Variants in NRG4 observed in about 807,000 individuals in gnomAD.
NRG4 encodes the protein neuregulin 4.
A neutral mutation model predicts 15.0 loss-of-function variants in NRG4; 10 were observed. The observed-to-expected ratio is 0.67, with a 90% CI of 0.41 to 1.13. The LOEUF (loss-of-function observed/expected upper bound fraction) is 1.13. Ranked by LOEUF, NRG4 falls within the 50% of genes most tolerant of loss-of-function variation. The pLI, the probability that NRG4 is intolerant of heterozygous loss-of-function variation, is 0.00. For synonymous variants in NRG4, 41 were observed against 50.1 expected, an observed-to-expected ratio of 0.82 and a Z score of 0.77; for missense variants, 139 against 140.2, an observed-to-expected ratio of 0.99 and a Z score of 0.04.
chr15:76,055,688 G>C (rs991146399), intron 2 of NRG4, among the ~76,000 whole-genome samples: 1 of 152,154 alleles, frequency 6.6e-6, no homozygotes, highest in African/African-American at 2.4e-5. Context: ...CTGATTTGAA[G>C]TTTAAATTCA....
chr15:75,937,199 G>A (rs1243224274), downstream of NRG4: 1 of 150,820 alleles, frequency 6.6e-6, no homozygotes, highest in African/African-American at 2.4e-5. Flanking sequence ...GCTTTTGTTT[G>A]CCTATCAAAA....
intron 4 of NRG4, among the ~76,000 whole-genome samples, chr15:76,039,725 G>A (rs1225339773): frequency 6.6e-6 from 1 of 152,100 alleles, no homozygotes; most frequent in Non-Finnish European, 1.5e-5. Flanking sequence ...CACAAACCTA[G>A]AAAAAGATAT....
At chr15:75,957,737 C>A (rs913492673) in intron 4 of NRG4, among the ~76,000 whole-genome samples, 2 of 152,126 alleles carry the variant, frequency 1.3e-5, no homozygotes, top group Admixed American at 6.6e-5. Context: ...AAGGTAGACA[C>A]ACACACTCTG....
intron 3 of NRG4, among the ~76,000 whole-genome samples, chr15:76,000,457 A>G (rs1161297286): frequency 6.6e-6 from 1 of 152,192 alleles, no homozygotes; most frequent in Non-Finnish European, 1.5e-5. Context: ...TTTCCTCATA[A>G]CTAGGAAAAT....
chr15:75,939,060 C>T (rs2030671197), downstream of NRG4: 1 of 151,978 alleles, frequency 6.6e-6, no homozygotes. Context: ...GAAAAACATA[C>T]TAAATCCAAA....
chr15:76,038,508 T>TAAGGTGAGGGTCCTCTGCCTGTGAA (rs1400283669), intron 4 of NRG4, among the ~76,000 whole-genome samples: 2 of 152,188 alleles, frequency 1.3e-5, no homozygotes, highest in Non-Finnish European at 2.9e-5. Context: ...GTAGTGACCA[T>TAAGGTGAGGGTCCTCTGCCTGTGAA]AAGGTGAGGG....
rs538133093 is a variant in NRG4, at chr15:75,962,055, G to A, written c.105-81C>T. The A allele has an allele frequency of 1.2e-4, 127 of 1,085,428 alleles. 1 individual carries two copies. In the South Asian group the frequency reaches 1.9e-3, roughly 16 times the overall value. 67.2% of individuals were successfully genotyped at this position (1,085,428 alleles called of 1,614,324 possible). The stretch of plus-strand genomic sequence containing the variant: ...GGAAGAAAAACAGTTTCCAGATGAC[G>A]TGAAGAAAAAAGGAGACTAATTTTC... On this transcript the variant is annotated intron_variant, in intron 3 of 5. Transcript: ENST00000394907.
intron 4 of NRG4, among the ~76,000 whole-genome samples, chr15:75,961,009 A>G (rs920168973): frequency 2.6e-5 from 4 of 152,184 alleles, no homozygotes; most frequent in African/African-American, 9.7e-5. Flanking sequence ...ATCTAACAAG[A>G]TACTATTTTA....
At chr15:75,951,776 T>C (rs1157164452) in intron 5 of NRG4, among the ~76,000 whole-genome samples, 1 of 152,208 alleles carries the variant, frequency 6.6e-6, no homozygotes, top group Non-Finnish European at 1.5e-5. Context: ...CTTTTATGTA[T>C]GTTGTAAGTC....
chr15:76,048,908 G>A lies in NRG4; in HGVS notation c.-105+3159C>T, dbSNP rs138537483. On this transcript the variant is annotated intron_variant, in intron 4 of 8. Coordinates refer to the NRG4 transcript ENST00000563910. ...AAAAATACAAAAATTAGCCGGGCACGGTGGTGCATGCCTGTGGTCCCAGCT... is the reference window on the plus strand; with the variant it reads ...AAAAATACAAAAATTAGCCGGGCACAGTGGTGCATGCCTGTGGTCCCAGCT... 6.2e-3 allele frequency among the ~76,000 whole-genome samples: 941 copies of A among 150,628 alleles called. 60 individuals are homozygous for A. Among genetic ancestry groups the A allele is most frequent in the African/African-American group, 0.022 (868 of 40,324 alleles).
intron 5 of NRG4, among the ~76,000 whole-genome samples, chr15:76,022,047 C>T (rs2035171010): frequency 6.6e-6 from 1 of 152,108 alleles, no homozygotes; most frequent in Admixed American, 6.5e-5. Flanking sequence ...CTAATGCGAC[C>T]GCTGATTTGA....
At chr15:75,988,666 C>A (rs1010973562) in intron 3 of NRG4, among the ~76,000 whole-genome samples, 5 of 151,974 alleles carry the variant, frequency 3.3e-5, no homozygotes, top group African/African-American at 1.2e-4. Context: ...GTGTAAATGG[C>A]ATAAAATGGA....
Position 75,955,929 on chromosome 15 carries a change from C to T in NRG4, c.331+3G>A. On this transcript the variant is annotated splice_donor_region_variant and intron_variant, in intron 5 of 5. Transcript: ENST00000394907. ...AATAAGCATTTGTTTTGAGTTTACT[C>T]ACTGTGGTGGGCACTGGTACTGCTC... 6.4e-7 allele frequency: 1 copy of T among 1,552,910 alleles called. No homozygotes were observed. Among genetic ancestry groups the T allele is most frequent in the Non-Finnish European group, 8.9e-7 (1 of 1,124,458 alleles).
At chr15:75,974,350 C>T (rs1368815827) in intron 3 of NRG4, among the ~76,000 whole-genome samples, 1 of 151,730 alleles carries the variant, frequency 6.6e-6, no homozygotes, top group Non-Finnish European at 1.5e-5. Context: ...AAGGATTTTT[C>T]GTGTCTCTAT....
Position 76,011,157 on chromosome 15 carries a change from T to C in NRG4, c.10+64A>G. The C allele has an allele frequency of 2.4e-6, 3 of 1,256,104 alleles. No homozygotes were observed. In the East Asian group the frequency reaches 8.4e-5, roughly 35 times the overall value. 77.8% of individuals were successfully genotyped at this position (1,256,104 alleles called of 1,614,324 possible). ...TACAGCCTTGTGTTAATATACATTT[T>C]TGATTGTTGTTCTATTGCTATGGAC... On this transcript the variant is annotated intron_variant, in intron 2 of 5. Coordinates refer to ENST00000394907, the MANE Select transcript of NRG4 (RefSeq NM_138573.4).
At chr15:75,990,089 C>T (rs1269193371) in intron 3 of NRG4, among the ~76,000 whole-genome samples, 6 of 152,184 alleles carry the variant, frequency 3.9e-5, no homozygotes, top group African/African-American at 7.2e-5. Context: ...GTAAACACAT[C>T]GCAGCCCTGC....
intron 5 of NRG4, among the ~76,000 whole-genome samples, chr15:75,952,029 T>G (rs1361123197): frequency 6.6e-6 from 1 of 152,158 alleles, no homozygotes; most frequent in Admixed American, 6.5e-5. Flanking sequence ...GCCTGGAAAA[T>G]CTCTATTTTG....
chr15:76,045,595 T>TA (rs1010300890), intron 4 of NRG4, among the ~76,000 whole-genome samples: 1 of 150,458 alleles, frequency 6.6e-6, no homozygotes, highest in Admixed American at 6.6e-5. Context: ...TATTCAGCCA[T>TA]AAAAAAAAGA....
intron 3 of NRG4, among the ~76,000 whole-genome samples, chr15:75,991,341 CA>C (rs2034008892): frequency 6.6e-6 from 1 of 152,004 alleles, no homozygotes; most frequent in South Asian, 2.1e-4. Context: ...TTTTCTATGT[CA>C]AAATATTTTT....
Sources: gnomAD v4.1 joint callset for allele counts (sites outside exome capture counted in the v4.1 genomes callset) on GRCh38, gnomAD v4.1.1 for gene constraint, MANE v1.5 for transcripts, NCBI Gene and HGNC (gene_info 2026-07-23, HGNC 2026-07-21) for gene names.